The following MTMR2 variants were observed in gnomAD, a reference collection of about 807,000 sequenced individuals.
MTMR2 encodes myotubularin related protein 2, also known as phosphatidylinositol-3,5-bisphosphate 3-phosphatase MTMR2.
MTMR2 carries 55 observed loss-of-function variants against 86.9 expected under a neutral mutation model. The ratio of observed to expected loss-of-function variants is 0.63; its 90% CI spans 0.51 to 0.79. MTMR2 has a LOEUF of 0.79. MTMR2 is among the 30% of genes least tolerant of loss of function. MTMR2 has a pLI of 0.00. For missense variants in MTMR2, 659 were observed against 772.3 expected, an observed-to-expected ratio of 0.85 and a Z score of 1.74; for synonymous variants, 241 against 266.8, an observed-to-expected ratio of 0.90 and a Z score of 0.94.
chr11:95,881,902 G>A lies in MTMR2; in HGVS notation c.186+6254C>T, dbSNP rs372542435. Among the ~76,000 whole-genome samples the A allele has an allele frequency of 6.6e-5, 10 of 152,136 alleles. No individual in the cohort carries two copies. The East Asian group carries it at 1.2e-3, about 18-fold the overall frequency. Reference sequence around the variant, plus strand: ...CATCATGTTTCTAAGCTTAATGAACGTATTTCTAGTATTTCATCATTAAGT... The same window carrying A: ...CATCATGTTTCTAAGCTTAATGAACATATTTCTAGTATTTCATCATTAAGT... On this transcript the variant is annotated intron_variant, in intron 2 of 14. Coordinates refer to ENST00000346299, the MANE Select transcript of MTMR2 (RefSeq NM_016156.6).
In MTMR2 at chr11:95,844,907, G is replaced by A. The variant is rs750523253; in HGVS notation, c.1386+46C>T. On this transcript the variant is annotated intron_variant, in intron 11 of 14. Coordinates refer to ENST00000346299, the MANE Select transcript of MTMR2 (RefSeq NM_016156.6). ...AAAACACATTTTTTTCACATGCCTT[G>A]GCATGAATGCATGTGATATATCCAA... 11 of 1,468,736 alleles carry A rather than the reference G, an allele frequency of 7.5e-6. No individual in the cohort carries two copies. The East Asian group carries it at 2.3e-4, about 30-fold the overall frequency. The allele number at this position is 1,468,736 out of a possible 1,614,324, so 91.0% of individuals were successfully genotyped here.
At chr11:95,890,661 G>A (rs1378151475) in intron 1 of MTMR2, among the ~76,000 whole-genome samples, 2 of 152,214 alleles carry the variant, frequency 1.3e-5, no homozygotes, top group African/African-American at 4.8e-5. Context: ...GGCCTGCTGA[G>A]GACAAGGAGC....
intron 2 of MTMR2, among the ~76,000 whole-genome samples, chr11:95,871,129 T>A (rs1864864852): frequency 6.6e-6 from 1 of 152,214 alleles, no homozygotes; most frequent in South Asian, 2.1e-4. Context: ...CTGAATCCAA[T>A]CTATCATTGT....
rs1380858496 is a variant in MTMR2 at position 95,864,650 on chromosome 11, G to GGT, written c.262+949_262+950dup. Among the ~76,000 whole-genome samples, 12 of 152,038 alleles carry GGT rather than the reference G, an allele frequency of 7.9e-5. No homozygotes were observed. In the East Asian group the frequency reaches 2.3e-3, roughly 29 times the overall value. On this transcript the variant is annotated intron_variant, in intron 3 of 14. Coordinates refer to ENST00000346299, the MANE Select transcript of MTMR2 (RefSeq NM_016156.6). ...AGTAGGTAGTTCAGATCAAGAGCTT[G>GGT]GTGTATATATAAGGCTAACTGGGGA...
At chr11:95,845,748 ATAACT>A (rs1863759931) in intron 10 of MTMR2, among the ~76,000 whole-genome samples, 1 of 152,142 alleles carries the variant, frequency 6.6e-6, no homozygotes, top group South Asian at 2.1e-4. Context: ...GTTACTTAAA[ATAACT>A]TCAGCTCTTA....
At chr11:95,917,654 G>A (rs1445365270) in intron 1 of MTMR2, among the ~76,000 whole-genome samples, 10 of 152,082 alleles carry the variant, frequency 6.6e-5, no homozygotes, top group Admixed American at 5.9e-4. Context: ...CAGGCTGCAC[G>A]CCAATATACT....
intron 12 of MTMR2, among the ~76,000 whole-genome samples, chr11:95,839,224 T>C (rs1863429629): frequency 6.6e-6 from 1 of 151,856 alleles, no homozygotes; most frequent in Non-Finnish European, 1.5e-5. Flanking sequence ...TACTAGGCCT[T>C]GATTTTTGTG....
chr11:95,854,460 G>A (rs903624490), intron 7 of MTMR2, among the ~76,000 whole-genome samples: 4 of 152,062 alleles, frequency 2.6e-5, no homozygotes, highest in African/African-American at 7.2e-5. Flanking sequence ...GACCGTGCTC[G>A]TTATCTTTTT....
chr11:95,923,065 A>G (rs1458350288), intron 1 of MTMR2, among the ~76,000 whole-genome samples: 2 of 152,222 alleles, frequency 1.3e-5, no homozygotes, highest in Non-Finnish European at 2.9e-5. Context: ...AAATCAAAGA[A>G]AAAGACTGCA....
chr11:95,911,380 C>T (rs1866499709), intron 1 of MTMR2, among the ~76,000 whole-genome samples: 1 of 152,060 alleles, frequency 6.6e-6, no homozygotes, highest in African/African-American at 2.4e-5. Context: ...GTTTTTTCTC[C>T]AGAGTATTGT....
intron 7 of MTMR2, 46 bp downstream of exon 7, chr11:95,857,506 G>T: frequency 7.1e-7 from 1 of 1,404,132 alleles, no homozygotes. Context: ...TCTTTGGAAT[G>T]AAAAGAATAC....
rs1484682231 is a variant in MTMR2 at position 95,834,793 on chromosome 11, A to AAATC, written c.*493_*496dup. The stretch of plus-strand genomic sequence containing the variant: ...ATGGAAGTTGAAAAGTGATCAAGGT[A>AAATC]AATCAGTTACTGAAAAAAAGAAAAA... On this transcript the variant is annotated 3_prime_UTR_variant, in exon 15 of 15. Coordinates refer to ENST00000346299, the MANE Select transcript of MTMR2 (RefSeq NM_016156.6). The AAATC allele has an allele frequency of 7.1e-5, 12 of 169,108 alleles. No homozygotes were observed. In the East Asian group the frequency reaches 1.7e-3, roughly 23 times the overall value. The allele number at this position is 169,108 out of a possible 1,614,324, so 10.5% of individuals were successfully genotyped here.
Position 95,860,778 on chromosome 11 carries a change from C to G in MTMR2, c.468+1214G>C, listed in dbSNP as rs554907757. 1.2e-4 allele frequency among the ~76,000 whole-genome samples: 19 copies of G among 152,254 alleles called. No individual in the cohort carries two copies. In the South Asian group the frequency reaches 3.7e-3, roughly 30 times the overall value. ...AAAATGTAACAATCTATGTTTCATT[C>G]AAGTATCAACGCATTTAAAGAATGC... On this transcript the variant is annotated intron_variant, in intron 5 of 14. Transcript: ENST00000346299.
intron 7 of MTMR2, among the ~76,000 whole-genome samples, chr11:95,853,727 C>G (rs1864107856): frequency 6.6e-6 from 1 of 152,082 alleles, no homozygotes; most frequent in Non-Finnish European, 1.5e-5. Flanking sequence ...GGAACCTGGA[C>G]TTTATCATTT....
intron 9 of MTMR2, 57 bp from the exon 10 acceptor site, chr11:95,847,956 T>A: frequency 6.8e-7 from 1 of 1,471,310 alleles, no homozygotes; most frequent in Non-Finnish European, 9.5e-7. Context: ...TGTAAACAAG[T>A]GACATAAAAT....
rs1863936376 is a variant in MTMR2, at chr11:95,849,603, C to T, written c.993+71G>A. On this transcript the variant is annotated intron_variant, in intron 9 of 14. Transcript: ENST00000346299. ...CACTGTAGAGCCTGAGCTCTTTTTA[C>T]TACACTGTGGCCCTGCCAAACTCAG... is the stretch of plus-strand genomic sequence containing the variant. The T allele has an allele frequency of 7.2e-6, 10 of 1,394,086 alleles. No individual in the cohort carries two copies. The East Asian group carries it at 2.3e-4, about 32-fold the overall frequency. 86.4% of individuals were successfully genotyped at this position (1,394,086 alleles called of 1,614,324 possible).
chr11:95,867,794 A>C (rs1203267015), intron 2 of MTMR2, among the ~76,000 whole-genome samples: 1 of 144,318 alleles, frequency 6.9e-6, no homozygotes, highest in Non-Finnish European at 1.5e-5. Flanking sequence ...AGGAGAAAAG[A>C]GACTAGGAAA....
intron 11 of MTMR2, 108 bp from the exon 12 acceptor site, chr11:95,841,817 C>A: frequency 1.1e-6 from 1 of 885,524 alleles, no homozygotes; most frequent in East Asian, 2.6e-5. Flanking sequence ...TTTTCAAAGT[C>A]GGGTGCTGTG....
At chr11:95,843,408 G>T (rs971572432) in intron 11 of MTMR2, among the ~76,000 whole-genome samples, 3 of 152,120 alleles carry the variant, frequency 2.0e-5, no homozygotes, top group African/African-American at 4.8e-5. Context: ...AAATGGAAGT[G>T]AGACCAATGG....
Sources: gnomAD v4.1 joint callset for allele counts (sites outside exome capture counted in the v4.1 genomes callset) on GRCh38, gnomAD v4.1.1 for gene constraint, MANE v1.5 for transcripts, NCBI Gene and HGNC (gene_info 2026-07-23, HGNC 2026-07-21) for gene names.